Variants in CELF2 observed in about 807,000 individuals in gnomAD.
CELF2 encodes the protein CUG triplet repeat RNA-binding protein 2.
CELF2 carries 8 observed loss-of-function variants against 62.6 expected under a neutral mutation model. That is an observed-to-expected ratio of 0.13 (90% CI 0.07 to 0.23). The LOEUF is 0.23. Among genes scored for constraint, CELF2 ranks in the 10% least tolerant of loss-of-function variants. The pLI, the probability that CELF2 is intolerant of heterozygous loss-of-function variation, is 1.00. For missense variants in CELF2, 333 were observed against 671.0 expected, an observed-to-expected ratio of 0.50 and a Z score of 5.56; for synonymous variants, 258 against 250.0, an observed-to-expected ratio of 1.03 and a Z score of -0.30.
chr10:11,105,098 C>T (rs541550758), intron 1 of CELF2, among the ~76,000 whole-genome samples: 72 of 152,286 alleles, frequency 4.7e-4, no homozygotes, highest in Middle Eastern at 3.4e-3. Flanking sequence ...CAAAACATAC[C>T]GGTTGGGTTA....
chr10:11,267,519 T>TC lies in CELF2; in HGVS notation c.618+842_618+843insC, dbSNP rs1435483511. Among the ~76,000 whole-genome samples the TC allele has an allele frequency of 6.6e-6, 1 of 152,210 alleles. No individual in the cohort carries two copies. The highest frequency in any genetic ancestry group is 1.5e-5 in the Non-Finnish European group (1 of 68,032). On this transcript the variant is annotated intron_variant, in intron 6 of 12. Transcript: ENST00000633077. The surrounding 1 kb of genome is among the most constrained non-coding windows in gnomAD (Gnocchi z 4.4). ...CTGCTGTATTATGTATACTGTATCT[T>TC]TGTGTATGGGTGATCTTTTCCGGAG... is the stretch of plus-strand genomic sequence containing the variant.
At chr10:10,817,679 T>C (rs942660008) in intron 1 of CELF2, among the ~76,000 whole-genome samples, 2 of 152,228 alleles carry the variant, frequency 1.3e-5, no homozygotes, top group Non-Finnish European at 2.9e-5. Context: ...TGAATAGTAC[T>C]CCATTGTGTA....
At chr10:10,772,851 T>A in the CELF2 span, among the ~76,000 whole-genome samples, 1 of 152,206 alleles carries the variant, frequency 6.6e-6, no homozygotes, top group African/African-American at 2.4e-5. Context: ...AACTCACTAT[T>A]TGAACATCTT....
the CELF2 span, among the ~76,000 whole-genome samples, chr10:10,724,441 G>A: frequency 1.3e-5 from 2 of 152,024 alleles, no homozygotes; most frequent in Non-Finnish European, 2.9e-5. Context: ...AGATCATGAG[G>A]TCAGGAGTTC....
chr10:10,694,538 C>T, the CELF2 span, among the ~76,000 whole-genome samples: 2 of 152,122 alleles, frequency 1.3e-5, no homozygotes, highest in African/African-American at 4.8e-5. Flanking sequence ...CTGCTTGGTG[C>T]AGAGCTGAGT....
rs989299757 is a variant in CELF2, at chr10:11,300,210, G to A, written c.976+11658G>A. Among the ~76,000 whole-genome samples the A allele has an allele frequency of 5.3e-5, 8 of 152,198 alleles. No homozygotes were observed. The South Asian group carries it at 6.2e-4, about 12-fold the overall frequency. The stretch of plus-strand genomic sequence containing the variant: ...TGGAAACAGGACAGCTGCTTTGGAC[G>A]TGAGGAGCAGGTGCTGGCCCCTCAC... On this transcript the variant is annotated intron_variant, in intron 9 of 12. Transcript: ENST00000633077. The surrounding 1 kb of genome is among the most constrained non-coding windows in gnomAD (Gnocchi z 5.5).
At chr10:10,930,316 T>C (rs2065935231) in intron 2 of CELF2, among the ~76,000 whole-genome samples, 1 of 152,232 alleles carries the variant, frequency 6.6e-6, no homozygotes, top group Non-Finnish European at 1.5e-5. Context: ...TGGCTCTTTA[T>C]AAGAGGATAG....
At chr10:11,081,974 C>T (rs1276143128) in intron 1 of CELF2, among the ~76,000 whole-genome samples, 1 of 152,146 alleles carries the variant, frequency 6.6e-6, no homozygotes, top group African/African-American at 2.4e-5. Context: ...ATCACCCTGG[C>T]CTAGTTTTCG....
chr10:10,665,481 A>G, the CELF2 span, among the ~76,000 whole-genome samples: 1 of 152,238 alleles, frequency 6.6e-6, no homozygotes, highest in South Asian at 2.1e-4. Flanking sequence ...TTACCTATTC[A>G]ATTATCTCTT....
At chr10:11,069,202 T>G (rs1220581394) in intron 1 of CELF2, among the ~76,000 whole-genome samples, 1 of 152,206 alleles carries the variant, frequency 6.6e-6, no homozygotes, top group East Asian at 1.9e-4. Context: ...CAAGAAATGT[T>G]TTTATGTAAA....
chr10:10,621,834 C>A, the CELF2 span, among the ~76,000 whole-genome samples: 2 of 152,000 alleles, frequency 1.3e-5, no homozygotes, highest in East Asian at 1.9e-4. Flanking sequence ...TATGGCTGAA[C>A]CTTAAATGTA....
At chr10:11,133,636 C>G (rs2059951061) in intron 1 of CELF2, among the ~76,000 whole-genome samples, 1 of 152,188 alleles carries the variant, frequency 6.6e-6, no homozygotes, top group Non-Finnish European at 1.5e-5. Flanking sequence ...TACATATAAT[C>G]TCATTTAATC....
intron 5 of CELF2, among the ~76,000 whole-genome samples, chr10:11,262,838 C>T (rs2081064399): frequency 7.3e-6 from 1 of 137,376 alleles, no homozygotes; most frequent in Non-Finnish European, 1.5e-5. Flanking sequence ...ACAAGTTATA[C>T]TTCTTTCACT....
Position 11,321,566 on chromosome 10 carries a change from G to C in CELF2, c.1294+180G>C, listed in dbSNP as rs74115838. ...CTGGGCATGGTGGCATACACCTGTA[G>C]TCGCAGTTACTTGGCAGGTTGAGAT... is the stretch of plus-strand genomic sequence containing the variant. On this transcript the variant is annotated intron_variant, in intron 11 of 12. Coordinates refer to ENST00000633077, the MANE Select transcript of CELF2 (RefSeq NM_001326342.2). This position sits in a 1 kb window ranked among gnomAD's most constrained non-coding sequence, Gnocchi z 6.2. 2.3e-3 allele frequency among the ~76,000 whole-genome samples: 348 copies of C among 152,078 alleles called. No homozygotes were observed. Among genetic ancestry groups the C allele is most frequent in the African/African-American group, 7.9e-3 (329 of 41,458 alleles).
chr10:11,241,122 A>G (rs75125145), intron 3 of CELF2, among the ~76,000 whole-genome samples: 5,436 of 152,312 alleles, frequency 0.036, 314 homozygotes, highest in African/African-American at 0.12. Flanking sequence ...TGTTGACAGC[A>G]GTTGTCTAAA....
chr10:10,774,312 C>T, the CELF2 span, among the ~76,000 whole-genome samples: 1 of 152,114 alleles, frequency 6.6e-6, no homozygotes, highest in Non-Finnish European at 1.5e-5. Flanking sequence ...CGGCCGTGCA[C>T]TATGAAGTAG....
At chr10:10,722,255 T>C in the CELF2 span, among the ~76,000 whole-genome samples, 1 of 152,202 alleles carries the variant, frequency 6.6e-6, no homozygotes, top group Non-Finnish European at 1.5e-5. Context: ...TGAGCTGTGA[T>C]TGTACCTGTG....
At chr10:11,162,041 A>G (rs1371694090) in intron 1 of CELF2, among the ~76,000 whole-genome samples, 1 of 152,154 alleles carries the variant, frequency 6.6e-6, no homozygotes, top group Non-Finnish European at 1.5e-5. Context: ...ATTTGGGTGG[A>G]TGAGAAGGGA....
Position 11,005,341 on chromosome 10 carries a change from G to C in CELF2, c.-47G>C. ...AGCAGCGACTGTGGCATTGATGTTTGAGCATACTTCTGAACTGGCTTTTGT... is the reference window on the plus strand; with the variant it reads ...AGCAGCGACTGTGGCATTGATGTTTCAGCATACTTCTGAACTGGCTTTTGT... On this transcript the variant is annotated 5_prime_UTR_variant, in exon 1 of 13. Transcript: ENST00000416382. The surrounding 1 kb of genome is among the most constrained non-coding windows in gnomAD (Gnocchi z 4.3). 1 of 1,612,876 alleles carries C rather than the reference G, an allele frequency of 6.2e-7. No homozygotes were observed. Among genetic ancestry groups the C allele is most frequent in the Non-Finnish European group, 8.5e-7 (1 of 1,179,366 alleles).
Sources: gnomAD v4.1 joint callset for allele counts (sites outside exome capture counted in the v4.1 genomes callset) on GRCh38, gnomAD v4.1.1 for gene constraint, Gnocchi (gnomAD v3.1) non-coding constraint, MANE v1.5 for transcripts, NCBI Gene and HGNC (gene_info 2026-07-23, HGNC 2026-07-21) for gene names.